The following RBFOX1 variants were observed in gnomAD, a reference collection of about 807,000 sequenced individuals.
RBFOX1 encodes RNA binding fox-1 homolog 1.
A neutral mutation model predicts 57.7 loss-of-function variants in RBFOX1; 8 were observed. That is an observed-to-expected ratio of 0.14 (90% CI 0.08 to 0.25). RBFOX1 has a LOEUF of 0.25. Ranked by LOEUF, RBFOX1 falls within the 10% of genes least tolerant of loss-of-function variation. The probability of loss-of-function intolerance (pLI) is 1.00; values close to 1 mark genes in which losing one functional copy is unlikely to be tolerated. For missense variants in RBFOX1, 611 were observed against 548.5 expected (o/e 1.11, Z -1.14); for synonymous variants, 326 against 222.4 (o/e 1.47, Z -4.15).
In RBFOX1 at chr16:6,750,542, T is replaced by C. The variant is rs180703324; in HGVS notation, c.-16+95892T>C. On this transcript the variant is annotated intron_variant, in intron 3 of 15. Transcript: ENST00000550418. ...GCAGTTTATCAGAGATAGAAGAATG[T>C]TAAAATAAACTGGTGACCGAACTAT... Among the ~76,000 whole-genome samples, 399 of 152,368 alleles carry C rather than the reference T, an allele frequency of 2.6e-3. 3 individuals carry two copies. The highest frequency in any genetic ancestry group is 0.023 in the Admixed American group (354 of 15,302).
intron 3 of RBFOX1, among the ~76,000 whole-genome samples, chr16:5,681,240 A>ATTT (rs71404546): frequency 9.0e-4 from 121 of 134,608 alleles, no homozygotes; most frequent in African/African-American, 3.0e-3. Flanking sequence ...TGCCTGGCTA[A>ATTT]TTTTTTTTTT....
intron 3 of RBFOX1, among the ~76,000 whole-genome samples, chr16:6,703,041 C>G (rs200999396): frequency 2.0e-5 from 3 of 152,308 alleles, no homozygotes; most frequent in African/African-American, 7.2e-5. Flanking sequence ...GGTATCTGGC[C>G]TATCTCACTT....
intron 4 of RBFOX1, among the ~76,000 whole-genome samples, chr16:5,993,828 A>G (rs2060447438): frequency 6.6e-6 from 1 of 152,198 alleles, no homozygotes; most frequent in African/African-American, 2.4e-5. Flanking sequence ...TAAGTTAAAT[A>G]CTGTGCTTGT....
intron 4 of RBFOX1, among the ~76,000 whole-genome samples, chr16:7,347,779 CA>C (rs1568339136): frequency 1.3e-5 from 2 of 152,160 alleles, no homozygotes; most frequent in African/African-American, 4.8e-5. Flanking sequence ...CCGAGACCCC[CA>C]TGTATTTGCA....
In RBFOX1 at chr16:6,535,193, T is replaced by G. The variant is rs191289547; in HGVS notation, c.-63-119410T>G. On this transcript the variant is annotated intron_variant, in intron 2 of 15. Coordinates refer to ENST00000550418, the MANE Select transcript of RBFOX1 (RefSeq NM_018723.4). ...TTCTGTGTGAGCACTCAAAGTCTCA[T>G]GTCCTGGGAAAATCCTCTGTTCTAA... Among the ~76,000 whole-genome samples the G allele has an allele frequency of 3.3e-5, 5 of 152,282 alleles. No individual in the cohort carries two copies. In the East Asian group the frequency reaches 5.8e-4, roughly 18 times the overall value.
At chr16:5,490,234 A>G (rs1291798427) in intron 2 of RBFOX1, among the ~76,000 whole-genome samples, 1 of 152,232 alleles carries the variant, frequency 6.6e-6, no homozygotes, top group East Asian at 1.9e-4. Context: ...AAGGGCTACA[A>G]CTACCAGTTA....
chr16:6,897,397 C>T (rs916346210), intron 3 of RBFOX1, among the ~76,000 whole-genome samples: 31 of 151,952 alleles, frequency 2.0e-4, no homozygotes, highest in African/African-American at 5.3e-4. Flanking sequence ...AGCGAGACTC[C>T]GTCACACACA....
At chr16:5,820,733 G>A (rs979885519) in intron 3 of RBFOX1, among the ~76,000 whole-genome samples, 1 of 152,128 alleles carries the variant, frequency 6.6e-6, no homozygotes, top group Non-Finnish European at 1.5e-5. Flanking sequence ...GAGTGACACC[G>A]TTCCCCCGTC....
intron 1 of RBFOX1, among the ~76,000 whole-genome samples, chr16:6,055,530 T>C (rs1392542765): frequency 6.8e-6 from 1 of 147,484 alleles, no homozygotes; most frequent in Non-Finnish European, 1.5e-5. Context: ...GAGGCATTGG[T>C]TGCAGTGAGC....
At chr16:5,709,294 C>A (rs1444027983) in intron 3 of RBFOX1, among the ~76,000 whole-genome samples, 1 of 152,240 alleles carries the variant, frequency 6.6e-6, no homozygotes, top group East Asian at 1.9e-4. Context: ...AGGAATTCCA[C>A]AAAGCTCTGT....
In RBFOX1 at chr16:6,932,806, C is replaced by T. The variant is rs537497228; in HGVS notation, c.-15-119251C>T. On this transcript the variant is annotated intron_variant, in intron 3 of 15. Transcript: ENST00000550418. Reference sequence around the variant, plus strand: ...ACAGTTTGGAGGCATTAAATATAGTCACACTGTTGTGTAACCATGGCCACT... The same window carrying T: ...ACAGTTTGGAGGCATTAAATATAGTTACACTGTTGTGTAACCATGGCCACT... 9.2e-5 allele frequency among the ~76,000 whole-genome samples: 14 copies of T among 152,258 alleles called. No individual in the cohort carries two copies. In the South Asian group the frequency reaches 2.5e-3, roughly 27 times the overall value.
chr16:7,432,621 C>G (rs147221761), intron 4 of RBFOX1, among the ~76,000 whole-genome samples: 264 of 152,308 alleles, frequency 1.7e-3, no homozygotes, highest in African/African-American at 5.9e-3. Flanking sequence ...AGTGTGAAAG[C>G]AGTCACAGAC....
At chr16:6,222,684 T>TTATTATTA (rs2097383622) in intron 1 of RBFOX1, among the ~76,000 whole-genome samples, 8 of 141,302 alleles carry the variant, frequency 5.7e-5, no homozygotes, top group African/African-American at 2.1e-4. Flanking sequence ...TTTCTTTTCT[T>TTATTATTA]TTATTATTAT....
intron 10 of RBFOX1, among the ~76,000 whole-genome samples, chr16:7,623,719 C>T (rs887281873): frequency 6.6e-6 from 1 of 152,134 alleles, no homozygotes; most frequent in Non-Finnish European, 1.5e-5. Context: ...TTTATTTTCT[C>T]ATAATTCTGG....
At chr16:5,753,855 T>C (rs921849193) in intron 3 of RBFOX1, among the ~76,000 whole-genome samples, 5 of 151,194 alleles carry the variant, frequency 3.3e-5, no homozygotes, top group Admixed American at 1.3e-4. Flanking sequence ...AGAGTTTTCA[T>C]TGAAAAAAAA....
In RBFOX1 at chr16:5,946,083, G is replaced by T. The variant is rs1262842202; in HGVS notation, c.351+78748G>T. 6.6e-6 allele frequency among the ~76,000 whole-genome samples: 1 copy of T among 152,128 alleles called. No individual in the cohort carries two copies. The highest frequency in any genetic ancestry group is 1.5e-5 in the Non-Finnish European group (1 of 68,032). ...AGGGGGAGACAGGGTTTTAATTAGT[G>T]GACTGACTTACCCGCTATTCTTGTC... On this transcript the variant is annotated intron_variant, in intron 4 of 19. Transcript: ENST00000641259. The surrounding 1 kb of genome is among the most constrained non-coding windows in gnomAD (Gnocchi z 4.6).
chr16:5,760,218 C>G (rs955761666), intron 3 of RBFOX1, among the ~76,000 whole-genome samples: 37 of 152,206 alleles, frequency 2.4e-4, no homozygotes, highest in African/African-American at 8.9e-4. Flanking sequence ...TCTGGAGAAA[C>G]TGGAAATCTA....
chr16:7,198,045 G>T (rs1379428388), intron 4 of RBFOX1, among the ~76,000 whole-genome samples: 3 of 108,550 alleles, frequency 2.8e-5, no homozygotes, highest in African/African-American at 3.7e-5. Context: ...TTGCTCTGTC[G>T]CCCAGGCTGG....
chr16:5,984,966 ATATATATATATTTTT>A (rs1379584393), intron 4 of RBFOX1, among the ~76,000 whole-genome samples: 9 of 56,652 alleles, frequency 1.6e-4, no homozygotes, highest in Admixed American at 5.8e-4. Context: ...ATATATATAT[ATATATATATATTTTT>A]TTTTTTTTTT....
Sources: gnomAD v4.1 joint callset for allele counts (sites outside exome capture counted in the v4.1 genomes callset) on GRCh38, gnomAD v4.1.1 for gene constraint, Gnocchi (gnomAD v3.1) non-coding constraint, MANE v1.5 for transcripts, NCBI Gene and HGNC (gene_info 2026-07-23, HGNC 2026-07-21) for gene names.